The following PRR16 variants were observed in gnomAD, a reference collection of about 807,000 sequenced individuals.
PRR16 encodes the protein protein Largen.
A neutral mutation model predicts 18.2 loss-of-function variants in PRR16; 6 were observed. That is an observed-to-expected ratio of 0.33 (90% CI 0.18 to 0.65). The LOEUF is 0.65. PRR16 is among the 30% of genes least tolerant of loss of function. The pLI, the probability that PRR16 is intolerant of heterozygous loss-of-function variation, is 0.74. For missense variants in PRR16, 412 were observed against 376.6 expected (o/e 1.09, Z -0.78); for synonymous variants, 151 against 147.8 (o/e 1.02, Z -0.16).
At chr5:120,585,231 C>G (rs1303744548) in intron 1 of PRR16, among the ~76,000 whole-genome samples, 2 of 152,104 alleles carry the variant, frequency 1.3e-5, no homozygotes, top group Admixed American at 6.6e-5. Context: ...GTCAGTTGGG[C>G]TAACAGCACA....
chr5:120,691,552 C>T (rs760347510), downstream of PRR16, among the ~76,000 whole-genome samples: 18 of 152,244 alleles, frequency 1.2e-4, no homozygotes, highest in African/African-American at 4.3e-4. Flanking sequence ...CTGACTCTGT[C>T]ACTATCATAC....
In PRR16 at chr5:120,487,389, A is replaced by G. The variant is rs565997150; in HGVS notation, c.159+22744A>G. Reference sequence around the variant, plus strand: ...TCCCTTGTAAGTTGGATTCCTAGGTATTTTATTCTCTTTGAAGCAATTGTG... The same window carrying G: ...TCCCTTGTAAGTTGGATTCCTAGGTGTTTTATTCTCTTTGAAGCAATTGTG... On this transcript the variant is annotated intron_variant, in intron 1 of 1. Coordinates refer to ENST00000407149, the MANE Select transcript of PRR16 (RefSeq NM_001300783.2). Among the ~76,000 whole-genome samples, 75 of 152,070 alleles carry G rather than the reference A, an allele frequency of 4.9e-4. 1 individual carries two copies. In the South Asian group the frequency reaches 0.015, roughly 30 times the overall value.
intron 1 of PRR16, among the ~76,000 whole-genome samples, chr5:120,646,443 C>G (rs1051609535): frequency 6.6e-6 from 1 of 151,776 alleles, no homozygotes; most frequent in African/African-American, 2.4e-5. Flanking sequence ...GGTACAGGGA[C>G]CGTCATTAGC....
the PRR16 span, among the ~76,000 whole-genome samples, chr5:120,700,876 C>T: frequency 6.6e-6 from 1 of 152,142 alleles, no homozygotes; most frequent in African/African-American, 2.4e-5. Flanking sequence ...CCGAGAAGAT[C>T]TGGGAAGGAG....
At chr5:120,605,610 G>T (rs1025706087) in intron 1 of PRR16, among the ~76,000 whole-genome samples, 1 of 152,176 alleles carries the variant, frequency 6.6e-6, no homozygotes, top group African/African-American at 2.4e-5. Context: ...AGAGTTGTCA[G>T]AATCATTATG....
intron 1 of PRR16, among the ~76,000 whole-genome samples, chr5:120,552,182 T>G (rs1473823292): frequency 1.3e-5 from 2 of 151,876 alleles, no homozygotes; most frequent in African/African-American, 2.4e-5. Flanking sequence ...AAGATTCAAT[T>G]TATATTTTTC....
intron 1 of PRR16, chr5:120,658,167 T>C (rs1298396677): frequency 6.6e-6 from 1 of 152,000 alleles, no homozygotes; most frequent in Non-Finnish European, 1.5e-5. Flanking sequence ...TGCACTTTTT[T>C]TTTCTGCAAC....
chr5:120,596,621 A>T (rs1468903998), intron 1 of PRR16, among the ~76,000 whole-genome samples: 2 of 151,852 alleles, frequency 1.3e-5, no homozygotes, highest in Non-Finnish European at 2.9e-5. Flanking sequence ...TTTGATTTTA[A>T]ACTTTTTTAC....
chr5:120,520,101 A>G (rs1005261365), intron 1 of PRR16, among the ~76,000 whole-genome samples: 1 of 152,182 alleles, frequency 6.6e-6, no homozygotes, highest in African/African-American at 2.4e-5. Context: ...CCTATTTTGA[A>G]GCAGTAATGT....
At chr5:120,494,546 C>G (rs1750179082) in intron 1 of PRR16, among the ~76,000 whole-genome samples, 2 of 151,972 alleles carry the variant, frequency 1.3e-5, no homozygotes. Context: ...ATAATATGTT[C>G]TCTCACACTG....
chr5:120,480,836 T>C (rs1465385856), intron 1 of PRR16, among the ~76,000 whole-genome samples: 2 of 152,212 alleles, frequency 1.3e-5, no homozygotes, highest in South Asian at 2.1e-4. Flanking sequence ...AACAAGATGA[T>C]GATTGTCTTA....
intron 1 of PRR16, among the ~76,000 whole-genome samples, chr5:120,634,068 T>C (rs1415696812): frequency 6.6e-6 from 1 of 152,160 alleles, no homozygotes; most frequent in Non-Finnish European, 1.5e-5. Flanking sequence ...ATTGAAATTA[T>C]ATCAAGTACT....
chr5:120,668,249 CTG>C (rs1188473723), intron 1 of PRR16, among the ~76,000 whole-genome samples: 1 of 151,096 alleles, frequency 6.6e-6, no homozygotes, highest in African/African-American at 2.4e-5. Context: ...GGTTTAAAGT[CTG>C]TTTTATCAGA....
chr5:120,641,211 C>A (rs2112857040), intron 1 of PRR16, among the ~76,000 whole-genome samples: 1 of 152,182 alleles, frequency 6.6e-6, no homozygotes, highest in African/African-American at 2.4e-5. Flanking sequence ...TTACTTTTTT[C>A]ATTCAGCAAA....
chr5:120,504,788 T>C (rs1450415039), intron 1 of PRR16, among the ~76,000 whole-genome samples: 2 of 152,158 alleles, frequency 1.3e-5, no homozygotes, highest in African/African-American at 2.4e-5. Flanking sequence ...AATTTTCATA[T>C]TGCTTCTTAG....
At chr5:120,551,566 G>T (rs1351721665) in intron 1 of PRR16, among the ~76,000 whole-genome samples, 1 of 151,798 alleles carries the variant, frequency 6.6e-6, no homozygotes, top group East Asian at 1.9e-4. Context: ...TTGTATACTG[G>T]AAATAAGTCA....
chr5:120,639,585 A>G (rs550290130), intron 1 of PRR16, among the ~76,000 whole-genome samples: 1 of 152,050 alleles, frequency 6.6e-6, no homozygotes, highest in African/African-American at 2.4e-5. Flanking sequence ...CAGAACCACA[A>G]TGAGATACCA....
intron 1 of PRR16, among the ~76,000 whole-genome samples, chr5:120,619,065 A>G (rs977778892): frequency 1.3e-5 from 2 of 152,262 alleles, no homozygotes; most frequent in Non-Finnish European, 2.9e-5. Context: ...AAGAAATTAC[A>G]TGGGCATAGA....
At chr5:120,704,100 C>A in the PRR16 span, among the ~76,000 whole-genome samples, 1 of 152,144 alleles carries the variant, frequency 6.6e-6, no homozygotes, top group Non-Finnish European at 1.5e-5. Context: ...AAGAAGCTTT[C>A]TCTTAAGAGA....
Sources: allele counts gnomAD v4.1 joint callset (sites outside exome capture counted in the v4.1 genomes callset), GRCh38; gene constraint gnomAD v4.1.1; transcripts MANE v1.5; gene names NCBI Gene and HGNC (gene_info 2026-07-23, HGNC 2026-07-21).